Variants in SEC31B observed in about 807,000 individuals in gnomAD.
The protein encoded by SEC31B is protein transport protein Sec31B.
A neutral mutation model predicts 135.0 loss-of-function variants in SEC31B; 113 were observed. That is an observed-to-expected ratio of 0.84 (90% CI 0.72 to 0.98). The LOEUF (loss-of-function observed/expected upper bound fraction) is 0.98. SEC31B is among the 50% of genes least tolerant of loss of function. The pLI is 0.00. For synonymous variants in SEC31B, 508 were observed against 549.4 expected (o/e 0.92, Z 1.05); for missense variants, 1,296 against 1,421.1 (o/e 0.91, Z 1.42).
Position 100,506,389 on chromosome 10 carries a change from C to CA in SEC31B, c.813dup (p.Asp272Ter). 1.2e-6 allele frequency: 2 copies of CA among 1,614,166 alleles called. No individual in the cohort carries two copies. The highest frequency in any genetic ancestry group is 1.7e-6 in the Non-Finnish European group (2 of 1,180,018). ...GCACTAGTGAGCAGCAGCTCAGCAT[C>CA]AGCCTGGCTCCATGACACTGACAAG... On this transcript the variant is annotated frameshift_variant, in exon 8 of 26. Transcript: ENST00000370345. LOFTEE classifies it high-confidence loss of function.
At chr10:100,508,613 C>G (rs185780122) in intron 5 of SEC31B, 39 of 425,268 alleles carry the variant, frequency 9.2e-5, no homozygotes, top group African/African-American at 2.1e-4. Flanking sequence ...GCTGACCCCC[C>G]CCTCCATAAA....
At chr10:100,502,519 C>G in intron 10 of SEC31B, 35 bp from the exon 11 acceptor site, 1 of 1,438,658 alleles carries the variant, frequency 7.0e-7, no homozygotes, top group South Asian at 1.2e-5. Flanking sequence ...AAAGGTTATA[C>G]CTTCAAGTCA....
Position 100,499,380 on chromosome 10 carries a change from T to G in SEC31B, c.1486-122A>C. On this transcript the variant is annotated intron_variant, in intron 12 of 25. Coordinates refer to ENST00000370345, the MANE Select transcript of SEC31B (RefSeq NM_015490.4). ...CTAAGATCCCTGATCTATTTTTTTCTGAGAAAAAAACAAACTCCAGGATGT... is the reference window on the plus strand; with the variant it reads ...CTAAGATCCCTGATCTATTTTTTTCGGAGAAAAAAACAAACTCCAGGATGT... 3.6e-6 allele frequency: 4 copies of G among 1,117,258 alleles called. No homozygotes were observed. The South Asian group carries it at 5.6e-5, about 16-fold the overall frequency. 69.2% of individuals were successfully genotyped at this position (1,117,258 alleles called of 1,614,324 possible).
At chr10:100,505,689 G>A (rs762750811) in intron 9 of SEC31B, 194 bp from the exon 10 acceptor site, 30 of 874,814 alleles carry the variant, frequency 3.4e-5, no homozygotes, top group Non-Finnish European at 4.2e-5. Context: ...CTCTTGGAAA[G>A]ACTACTACAT....
Position 100,488,878 on chromosome 10 carries a change from A to G in SEC31B, c.3268T>C (p.Ser1090Pro). 6.2e-7 allele frequency: 1 copy of G among 1,602,462 alleles called. No homozygotes were observed. The highest frequency in any genetic ancestry group is 8.5e-7 in the Non-Finnish European group (1 of 1,175,140). ...SSFEALLQRC[S>P]LSATDLKTKR... ...CTTACTAAGTCAGTTGCAGACAGGG[A>G]GCAGCGTTGGAGAAGCGCCTCAAAG... The change falls in exon 24 of 26, where the codon TCC (serine) becomes CCC (proline). Residue 1090 changes from serine to proline, a missense_variant. Physicochemically the swap from Ser to Pro is moderately conservative, Grantham distance 74. Transcript: ENST00000370345.
chr10:100,495,330 C>T (rs1851385179), intron 19 of SEC31B, 55 bp downstream of exon 19: 1 of 1,504,772 alleles, frequency 6.6e-7, no homozygotes, highest in African/African-American at 1.4e-5. Context: ...GTGCCCAGAA[C>T]CATGCTTGGC....
At chr10:100,492,678 C>A (rs902499134) in intron 19 of SEC31B, among the ~76,000 whole-genome samples, 3 of 152,100 alleles carry the variant, frequency 2.0e-5, no homozygotes, top group African/African-American at 7.2e-5. Flanking sequence ...CCCATGGAAT[C>A]CACAAAAAAC....
rs766108618 is a variant in SEC31B, at chr10:100,505,513, C to A, written c.1045-18G>T. The A allele has an allele frequency of 4.0e-6, 6 of 1,511,288 alleles. No homozygotes were observed. Among genetic ancestry groups the A allele is most frequent in the Non-Finnish European group, 4.4e-6 (5 of 1,136,560 alleles). The allele number at this position is 1,511,288 out of a possible 1,614,324, so 93.6% of individuals were successfully genotyped here. A position where few individuals can be genotyped will look rare whatever the true frequency, so the allele number is the denominator to read the frequency against. On this transcript the variant is annotated intron_variant, in intron 9 of 25. Transcript: ENST00000370345. ...GAGGAGATCTGGGGGGAAAAGACACCTGCATCGCCATCCTAAAGTGGCAGT... is the reference window on the plus strand; with the variant it reads ...GAGGAGATCTGGGGGGAAAAGACACATGCATCGCCATCCTAAAGTGGCAGT...
At chr10:100,492,446 T>G (rs1199107674) in intron 19 of SEC31B, among the ~76,000 whole-genome samples, 3 of 152,174 alleles carry the variant, frequency 2.0e-5, no homozygotes, top group African/African-American at 7.2e-5. Flanking sequence ...TGGTCTCAAC[T>G]CCTGACCTTA....
chr10:100,519,523 A>C (rs1294613091), intron 1 of SEC31B, among the ~76,000 whole-genome samples: 1 of 152,260 alleles, frequency 6.6e-6, no homozygotes, highest in African/African-American at 2.4e-5. Context: ...GCGGATGGGA[A>C]GGCGCAAGGC....
rs74562800 is a variant in SEC31B at position 100,509,425 on chromosome 10, A to C, written c.290T>G (p.Leu97Arg). The change falls in exon 4 of 26, where the codon CTT becomes CGT. Residue 97 changes from leucine (L) to arginine (R), a missense_variant. Transcript: ENST00000370345. ...VIVGGGDNGM[L>R]ILYNVTHILS... is the part of the protein sequence containing the mutation. The stretch of plus-strand genomic sequence containing the variant: ...GATGTGGGTCACATTGTATAGAATA[A>C]GCATGCCATTGTCCCCGCCGCCAAC... 2,415 of 1,614,128 alleles carry C rather than the reference A, an allele frequency of 1.5e-3. 39 individuals carry two copies. The African/African-American group carries it at 0.026, about 17-fold the overall frequency.
chr10:100,510,398 T>C (rs116682667), intron 3 of SEC31B, among the ~76,000 whole-genome samples: 30 of 152,370 alleles, frequency 2.0e-4, no homozygotes, highest in African/African-American at 7.2e-4. Context: ...TTTCTGAGGA[T>C]GCTTCTAACA....
intron 5 of SEC31B, 135 bp downstream of exon 5, chr10:100,508,872 A>G (rs1851683152): frequency 1.2e-5 from 8 of 680,586 alleles, no homozygotes; most frequent in Non-Finnish European, 2.1e-5. Context: ...GTAGCATGTT[A>G]GTCTGTGGAG....
At chr10:100,511,413 G>A (rs1851734953) in intron 3 of SEC31B, among the ~76,000 whole-genome samples, 1 of 152,196 alleles carries the variant, frequency 6.6e-6, no homozygotes, top group Admixed American at 6.5e-5. Context: ...ATGGGTGGGT[G>A]CGTACTATTC....
At chr10:100,519,234 T>C (rs1851904859) in intron 1 of SEC31B, among the ~76,000 whole-genome samples, 1 of 152,166 alleles carries the variant, frequency 6.6e-6, no homozygotes, top group Non-Finnish European at 1.5e-5. Context: ...TAATTCACAT[T>C]GTTAAGAGGC....
chr10:100,496,577 G>A (rs181267537), intron 17 of SEC31B, 146 bp from the exon 18 acceptor site: 33 of 807,826 alleles, frequency 4.1e-5, no homozygotes, highest in Admixed American at 4.0e-4. Context: ...ATGATGACAC[G>A]TAAGAACTGT....
Position 100,490,848 on chromosome 10 carries a change from G to T in SEC31B, c.2508C>A (p.Thr836=), listed in dbSNP as rs1442191666. 1 of 1,571,468 alleles carries T rather than the reference G, an allele frequency of 6.4e-7. No homozygotes were observed. The highest frequency in any genetic ancestry group is 8.7e-7 in the Non-Finnish European group (1 of 1,153,514). ...PTPSPRPRVF[T]PQSSPAMPLA... is the part of the protein sequence containing the mutation. ...AGGGCATCGCTGGTGATGACTGAGG[G>T]GTGAAAACCCTTGGCCTTGGAGATG... The change falls in exon 20 of 26, where the codon ACC becomes ACA. Residue 836 remains threonine, a synonymous_variant. Coordinates refer to ENST00000370345, the MANE Select transcript of SEC31B (RefSeq NM_015490.4).
chr10:100,493,162 G>T (rs555734687), intron 19 of SEC31B, among the ~76,000 whole-genome samples: 3 of 151,948 alleles, frequency 2.0e-5, no homozygotes, highest in Admixed American at 2.0e-4. Context: ...TCACGAGGTC[G>T]GGAGATCAAG....
intron 24 of SEC31B, among the ~76,000 whole-genome samples, chr10:100,488,458 C>CAA (rs5787387): frequency 8.5e-4 from 83 of 97,168 alleles, no homozygotes; most frequent in Non-Finnish European, 1.4e-3. Flanking sequence ...GACTCCATCT[C>CAA]AAAAAAAAAA....
Sources: gnomAD v4.1 joint callset for allele counts (sites outside exome capture counted in the v4.1 genomes callset) on GRCh38, gnomAD v4.1.1 for gene constraint, MANE v1.5 for transcripts, NCBI Gene and HGNC (gene_info 2026-07-23, HGNC 2026-07-21) for gene names.